Variants in DTHD1 observed in about 807,000 individuals in gnomAD.
DTHD1 encodes the protein death domain-containing protein 1.
DTHD1 carries 59 observed loss-of-function variants against 74.8 expected under a neutral mutation model. That is an observed-to-expected ratio of 0.79 (90% CI 0.64 to 0.98). The LOEUF (loss-of-function observed/expected upper bound fraction) is 0.98. Among genes scored for constraint, DTHD1 ranks in the 50% least tolerant of loss-of-function variants. The probability of loss-of-function intolerance (pLI) is 0.00; values close to 1 mark genes in which losing one functional copy is unlikely to be tolerated. For missense variants in DTHD1, 1,051 were observed against 1,065.4 expected, an observed-to-expected ratio of 0.99 and a Z score of 0.19; for synonymous variants, 365 against 371.1, an observed-to-expected ratio of 0.98 and a Z score of 0.19.
In DTHD1 at chr4:36,346,978, C is replaced by T. The variant is rs978759528; in HGVS notation, c.*3154C>T. Among the ~76,000 whole-genome samples the T allele has an allele frequency of 6.6e-6, 1 of 152,096 alleles. No individual in the cohort carries two copies. The highest frequency in any genetic ancestry group is 1.5e-5 in the Non-Finnish European group (1 of 68,030). ...CTCTCCCCTTTTTAAAATAAAGCCT[C>T]CTTTTATTATTCTAATTTGAGTATA... is the stretch of plus-strand genomic sequence containing the variant. On this transcript the variant is annotated 3_prime_UTR_variant, in exon 10 of 10. Transcript: ENST00000639862.
In DTHD1 at chr4:36,343,632, T is replaced by G; in HGVS notation, c.2529T>G (p.Asp843Glu). Residue 843 changes from aspartate to glutamate, a missense_variant, in exon 10 of 10, where the codon GAT becomes GAG. Transcript: ENST00000639862. ...IQLIKLKNPD[D>E]LTEQIHEFLC... ...TCATCAAACTCAAGAACCCTGATGA[T>G]CTCACAGAACAGATCCACGAGTTTC... 1 of 1,551,884 alleles carries G rather than the reference T, an allele frequency of 6.4e-7. No individual in the cohort carries two copies. Among genetic ancestry groups the G allele is most frequent in the African/African-American group, 1.4e-5 (1 of 73,154 alleles).
At chr4:36,297,133 G>C (rs1306533426) in intron 5 of DTHD1, among the ~76,000 whole-genome samples, 1 of 152,176 alleles carries the variant, frequency 6.6e-6, no homozygotes, top group Non-Finnish European at 1.5e-5. Flanking sequence ...TCTTCATGTT[G>C]AGTAGGCTGA....
At chr4:36,290,872 A>G (rs1756037490) in intron 3 of DTHD1, among the ~76,000 whole-genome samples, 169 bp downstream of exon 3, 1 of 152,216 alleles carries the variant, frequency 6.6e-6, no homozygotes, top group African/African-American at 2.4e-5. Context: ...TAAAGATCAA[A>G]GGATGGAAAT....
At chr4:36,316,560 G>A in intron 8 of DTHD1, 74 bp downstream of exon 8, 1 of 1,407,650 alleles carries the variant, frequency 7.1e-7, no homozygotes, top group Non-Finnish European at 9.5e-7. Context: ...CAGTTTTTCA[G>A]TCATAGAGAC....
At position 36,345,151 on chromosome 4, in the gene DTHD1, A is replaced by T. The variant is rs924790682; in HGVS notation, c.*1327A>T. On this transcript the variant is annotated 3_prime_UTR_variant, in exon 10 of 10. Transcript: ENST00000639862. ...ACCTGCTTTAAAATTAGTTAACAGA[A>T]GCCTTATTACATAAGCCCTAGATAT... 17 of 152,322 alleles carry T rather than the reference A, an allele frequency of 1.1e-4. No individual in the cohort carries two copies. Among genetic ancestry groups the T allele is most frequent in the Admixed American group, 5.2e-4 (8 of 15,296 alleles). 9.4% of individuals were successfully genotyped at this position (152,322 alleles called of 1,614,324 possible).
At chr4:36,328,090 G>T (rs906739139) in intron 8 of DTHD1, among the ~76,000 whole-genome samples, 1 of 152,312 alleles carries the variant, frequency 6.6e-6, no homozygotes, top group South Asian at 2.1e-4. Context: ...AAAAAAATGT[G>T]CATGGGTTTG....
At chr4:36,326,913 A>C (rs749787169) in intron 8 of DTHD1, among the ~76,000 whole-genome samples, 6 of 151,206 alleles carry the variant, frequency 4.0e-5, no homozygotes, top group Non-Finnish European at 7.4e-5. Flanking sequence ...TGGAAAAACT[A>C]TTTCTAGCTA....
intron 7 of DTHD1, 124 bp from the exon 8 acceptor site, chr4:36,316,118 G>A (rs1404022759): frequency 3.8e-5 from 32 of 851,686 alleles, no homozygotes; most frequent in Non-Finnish European, 5.5e-5. Flanking sequence ...TGTATTTTTA[G>A]TAGAGACGGG....
intron 5 of DTHD1, among the ~76,000 whole-genome samples, chr4:36,298,820 TAG>T (rs1481505852): frequency 6.6e-6 from 1 of 152,170 alleles, no homozygotes; most frequent in Non-Finnish European, 1.5e-5. Flanking sequence ...ATCAATATTT[TAG>T]AGAGTTAGAC....
intron 9 of DTHD1, 50 bp from the exon 10 acceptor site, chr4:36,343,452 A>G (rs763942735): frequency 6.7e-7 from 1 of 1,495,854 alleles, no homozygotes. Flanking sequence ...AGACCCATGC[A>G]TCCCCCAGGA....
chr4:36,338,170 T>C (rs763788178), intron 8 of DTHD1, among the ~76,000 whole-genome samples: 15 of 152,326 alleles, frequency 9.8e-5, no homozygotes, highest in Middle Eastern at 3.4e-3. Context: ...TAATCTGTTC[T>C]ACATCTTTAT....
chr4:36,295,014 A>G lies in DTHD1; in HGVS notation c.1618A>G (p.Arg540Gly). The stretch of plus-strand genomic sequence containing the variant: ...AAGAAGAGCAAGTGCCACAATAAAT[A>G]GGATTACACCTTCGTATTTCAACCG... The part of the protein sequence containing the change: ...HKRRASATIN[R>G]ITPSYFNRTK... Residue 540 changes from arginine (R) to glycine (G), a missense_variant, in exon 5 of 10, where the codon AGG becomes GGG. Transcript: ENST00000639862. The G allele has an allele frequency of 1.9e-6, 3 of 1,548,642 alleles. No homozygotes were observed. The highest frequency in any genetic ancestry group is 1.4e-5 in the African/African-American group (1 of 73,070).
intron 7 of DTHD1, among the ~76,000 whole-genome samples, chr4:36,315,954 G>C (rs1026182072): frequency 2.2e-4 from 34 of 152,152 alleles, no homozygotes; most frequent in Admixed American, 1.8e-3. Flanking sequence ...TTGTTTGTTT[G>C]AGACGGAGTC....
chr4:36,340,974 G>A (rs1348432797), intron 9 of DTHD1, among the ~76,000 whole-genome samples: 1 of 152,074 alleles, frequency 6.6e-6, no homozygotes, highest in Non-Finnish European at 1.5e-5. Context: ...TCCAAGGAGA[G>A]GAGTAAAATG....
intron 1 of DTHD1, among the ~76,000 whole-genome samples, chr4:36,282,289 A>G (rs565557517): frequency 6.6e-6 from 1 of 152,326 alleles, no homozygotes; most frequent in East Asian, 1.9e-4. Flanking sequence ...TGGGGAATTG[A>G]GAAGTTTGCT....
chr4:36,326,158 T>C (rs1758331486), intron 8 of DTHD1, among the ~76,000 whole-genome samples: 1 of 152,108 alleles, frequency 6.6e-6, no homozygotes, highest in African/African-American at 2.4e-5. Context: ...GTGACAGCAA[T>C]GACTCCACAC....
Position 36,346,808 on chromosome 4 carries a change from T to G in DTHD1, c.*2984T>G, listed in dbSNP as rs1047300015. Among the ~76,000 whole-genome samples the G allele has an allele frequency of 6.6e-6, 1 of 151,994 alleles. No homozygotes were observed. Among genetic ancestry groups the G allele is most frequent in the Non-Finnish European group, 1.5e-5 (1 of 68,002 alleles). ...TGTGTCCCTGGCCTGCAACCACTGCTCCTCTCAAGAAGGCCACCTCTAGCC... is the reference window on the plus strand; with the variant it reads ...TGTGTCCCTGGCCTGCAACCACTGCGCCTCTCAAGAAGGCCACCTCTAGCC... On this transcript the variant is annotated 3_prime_UTR_variant, in exon 10 of 10. Transcript: ENST00000639862.
intron 7 of DTHD1, among the ~76,000 whole-genome samples, chr4:36,309,939 A>G (rs1023041718): frequency 3.9e-5 from 6 of 152,196 alleles, no homozygotes; most frequent in Admixed American, 2.6e-4. Flanking sequence ...CCCACTTATA[A>G]GAACATGCAG....
intron 8 of DTHD1, among the ~76,000 whole-genome samples, chr4:36,318,955 T>C (rs1175642769): frequency 3.3e-5 from 5 of 152,212 alleles, no homozygotes; most frequent in African/African-American, 4.8e-5. Context: ...CTTTGCACCA[T>C]ACGGCCGTTA....
Sources: gnomAD v4.1 joint callset for allele counts (sites outside exome capture counted in the v4.1 genomes callset) on GRCh38, gnomAD v4.1.1 for gene constraint, MANE v1.5 for transcripts, NCBI Gene and HGNC (gene_info 2026-07-23, HGNC 2026-07-21) for gene names.